FSTL4: variants seen among roughly 807,000 people sequenced by gnomAD.
The protein encoded by FSTL4 is follistatin like 4, also known as follistatin-related protein 4.
In FSTL4, 28 loss-of-function variants were observed where a neutral mutation model predicts 78.2. The ratio of observed to expected loss-of-function variants is 0.36; its 90% confidence interval spans 0.27 to 0.49. The LOEUF is 0.49. Ranked by LOEUF, FSTL4 falls within the 20% of genes least tolerant of loss-of-function variation. The pLI, the probability that FSTL4 is intolerant of heterozygous loss-of-function variation, is 0.98. For missense variants in FSTL4, 922 were observed against 1,084.9 expected (o/e 0.85, Z 2.11); for synonymous variants, 422 against 440.5 (o/e 0.96, Z 0.53).
At chr5:133,809,456 T>A in the FSTL4 span, among the ~76,000 whole-genome samples, 5 of 149,786 alleles carry the variant, frequency 3.3e-5, no homozygotes, top group African/African-American at 1.2e-4. Flanking sequence ...TATCTTTTGC[T>A]ACCCCCAAAG....
chr5:133,223,045 T>A (rs908282047), intron 11 of FSTL4, among the ~76,000 whole-genome samples: 2 of 152,214 alleles, frequency 1.3e-5, no homozygotes, highest in Non-Finnish European at 2.9e-5. Flanking sequence ...TCACATTCCA[T>A]GGGGCCTCTT....
chr5:133,796,165 C>T, the FSTL4 span, among the ~76,000 whole-genome samples: 1 of 152,212 alleles, frequency 6.6e-6, no homozygotes, highest in African/African-American at 2.4e-5. Context: ...TGGGAGAGTT[C>T]CCTGAACCCC....
chr5:133,791,796 T>C, the FSTL4 span, among the ~76,000 whole-genome samples: 1 of 152,244 alleles, frequency 6.6e-6, no homozygotes, highest in Non-Finnish European at 1.5e-5. Flanking sequence ...AGGTTTTGCA[T>C]CGATGTGGGA....
intron 1 of FSTL4, among the ~76,000 whole-genome samples, chr5:133,607,495 G>A (rs972783280): frequency 6.6e-5 from 10 of 152,162 alleles, no homozygotes. Context: ...TGAAAGAGGA[G>A]ATGGGGTCAC....
chr5:133,654,209 A>G, the FSTL4 span, among the ~76,000 whole-genome samples: 1 of 152,194 alleles, frequency 6.6e-6, no homozygotes, highest in Non-Finnish European at 1.5e-5. Context: ...GTGAAACCAG[A>G]GTGCTTCATA....
At chr5:133,841,035 C>T in the FSTL4 span, among the ~76,000 whole-genome samples, 1 of 152,248 alleles carries the variant, frequency 6.6e-6, no homozygotes, top group African/African-American at 2.4e-5. Context: ...GACACCTTGC[C>T]ACTGGCTAAG....
intron 2 of FSTL4, chr5:133,583,196 A>G (rs1010391064): frequency 2.2e-6 from 1 of 452,938 alleles, no homozygotes; most frequent in Non-Finnish European, 4.4e-6. Flanking sequence ...TGACCCTCCA[A>G]AAGCCCTTCA....
At chr5:133,725,960 C>A in the FSTL4 span, among the ~76,000 whole-genome samples, 4 of 152,172 alleles carry the variant, frequency 2.6e-5, no homozygotes, top group African/African-American at 9.7e-5. Context: ...CACCCCTCAC[C>A]AGCATTCTCC....
chr5:133,801,093 C>T, the FSTL4 span, among the ~76,000 whole-genome samples: 2 of 152,072 alleles, frequency 1.3e-5, no homozygotes, highest in South Asian at 2.1e-4. Flanking sequence ...CGGGTTTCTC[C>T]GTTTTCTGGT....
At chr5:133,304,763 A>T (rs1235687149) in intron 6 of FSTL4, among the ~76,000 whole-genome samples, 1 of 152,192 alleles carries the variant, frequency 6.6e-6, no homozygotes, top group Non-Finnish European at 1.5e-5. Context: ...AGAAGAAGGA[A>T]CTGGTGCAGG....
chr5:133,375,357 C>T (rs1251446907), intron 4 of FSTL4, among the ~76,000 whole-genome samples: 1 of 132,946 alleles, frequency 7.5e-6, no homozygotes, highest in African/African-American at 2.7e-5. Flanking sequence ...CTGGTTCTCT[C>T]TGATGGTAAA....
the FSTL4 span, among the ~76,000 whole-genome samples, chr5:133,831,417 C>A: frequency 6.6e-6 from 1 of 152,122 alleles, no homozygotes; most frequent in African/African-American, 2.4e-5. Context: ...AGCTCATCCC[C>A]ACCCGAGAAC....
At chr5:133,752,629 T>TA in the FSTL4 span, among the ~76,000 whole-genome samples, 1,858 of 151,398 alleles carry the variant, frequency 0.012, 38 homozygotes, top group African/African-American at 0.042. Flanking sequence ...AAAATAAAAT[T>TA]AAATTAAATT....
the FSTL4 span, among the ~76,000 whole-genome samples, chr5:133,679,329 T>G: frequency 6.6e-6 from 1 of 152,160 alleles, no homozygotes; most frequent in African/African-American, 2.4e-5. Flanking sequence ...ACCCTTATCA[T>G]TTAGGGACCA....
rs139123475 is a variant in FSTL4, at chr5:133,559,447, G to A, written c.160+7739C>T. Among the ~76,000 whole-genome samples, 5 of 152,322 alleles carry A rather than the reference G, an allele frequency of 3.3e-5. No individual in the cohort carries two copies. The South Asian group carries it at 6.2e-4, about 19-fold the overall frequency. On this transcript the variant is annotated intron_variant, in intron 3 of 15. Transcript: ENST00000265342. ...CTGGGTAGGGTGGGGACCTCAGCAG[G>A]TATACAGGGAGCACCATCATCTCTC... is the stretch of plus-strand genomic sequence containing the variant.
intron 3 of FSTL4, among the ~76,000 whole-genome samples, chr5:133,428,861 A>G (rs1412019677): frequency 2.0e-5 from 3 of 152,216 alleles, no homozygotes; most frequent in African/African-American, 7.2e-5. Context: ...TGTTAAGAGT[A>G]AACTACGACA....
Position 133,210,291 on chromosome 5 carries a change from C to T in FSTL4, c.1616G>A (p.Gly539Asp). ...CAGCTTAGCCGGCAGAGGGTCCACACCTATGGACTTGAAAAAAAATAGTGA... is the reference window on the plus strand; with the variant it reads ...CAGCTTAGCCGGCAGAGGGTCCACATCTATGGACTTGAAAAAAAATAGTGA... Reference protein sequence around the residue: ...IQAQKVLQSIGVDPLPAKLSY... With the variant: ...IQAQKVLQSIDVDPLPAKLSY... The change falls in exon 14 of 16, where the codon GGT becomes GAT. Residue 539 changes from glycine (G) to aspartate (D), a missense_variant. Physicochemically the swap from Gly to Asp is moderately conservative, Grantham distance 94. Coordinates refer to ENST00000265342, the MANE Select transcript of FSTL4 (RefSeq NM_015082.2). The T allele has an allele frequency of 1.3e-6, 2 of 1,590,132 alleles. No individual in the cohort carries two copies. Among genetic ancestry groups the T allele is most frequent in the Non-Finnish European group, 8.6e-7 (1 of 1,158,518 alleles).
chr5:133,759,396 T>C, the FSTL4 span, among the ~76,000 whole-genome samples: 5 of 152,310 alleles, frequency 3.3e-5, no homozygotes, highest in East Asian at 9.7e-4. Context: ...GTAATTCATA[T>C]GCACTGATCT....
chr5:133,201,209 G>C lies in FSTL4; in HGVS notation c.1826+724C>G, dbSNP rs576002714. Among the ~76,000 whole-genome samples, 3 of 152,366 alleles carry C rather than the reference G, an allele frequency of 2.0e-5. No individual in the cohort carries two copies. The East Asian group carries it at 5.8e-4, about 29-fold the overall frequency. Reference sequence around the variant, plus strand: ...TGGGGTCTTGATGGCTTAGAGACAGGCTTGGTCGTCTGGCAGTGGTAAGTT... The same window carrying C: ...TGGGGTCTTGATGGCTTAGAGACAGCCTTGGTCGTCTGGCAGTGGTAAGTT... On this transcript the variant is annotated intron_variant, in intron 15 of 15. Coordinates refer to ENST00000265342, the MANE Select transcript of FSTL4 (RefSeq NM_015082.2).
Sources: allele counts gnomAD v4.1 joint callset (sites outside exome capture counted in the v4.1 genomes callset), GRCh38; gene constraint gnomAD v4.1.1; transcripts MANE v1.5; gene names NCBI Gene and HGNC (gene_info 2026-07-23, HGNC 2026-07-21).